RFTN1: variants seen among roughly 807,000 people sequenced by gnomAD.
RFTN1 encodes raftlin, lipid raft linker 1, also known as raftlin.
Under a neutral mutation model 46.5 loss-of-function variants are expected in RFTN1, and 26 were observed. That is an observed-to-expected ratio of 0.56 (90% CI 0.41 to 0.78). RFTN1 has a LOEUF of 0.78. RFTN1 is among the 30% of genes least tolerant of loss of function. The pLI is 0.00. For missense variants in RFTN1, 693 were observed against 718.7 expected, an observed-to-expected ratio of 0.96 and a Z score of 0.41; for synonymous variants, 261 against 284.2, an observed-to-expected ratio of 0.92 and a Z score of 0.82.
intron 3 of RFTN1, among the ~76,000 whole-genome samples, chr3:16,423,139 G>T (rs1457862379): frequency 6.6e-6 from 1 of 151,604 alleles, no homozygotes; most frequent in Non-Finnish European, 1.5e-5. Flanking sequence ...CTGCACTCCA[G>T]CCTGGGTGAC....
intron 5 of RFTN1, among the ~76,000 whole-genome samples, chr3:16,375,850 G>A (rs571628024): frequency 6.6e-6 from 1 of 152,198 alleles, no homozygotes; most frequent in African/African-American, 2.4e-5. Context: ...GGAGAGAACA[G>A]GGACTTGGGT....
intron 7 of RFTN1, among the ~76,000 whole-genome samples, chr3:16,355,713 A>G (rs1197581282): frequency 6.6e-6 from 1 of 152,240 alleles, no homozygotes; most frequent in Non-Finnish European, 1.5e-5. Context: ...GCAGACTGCC[A>G]GGCCCCACCC....
At position 16,329,324 on chromosome 3, in the gene RFTN1, G is replaced by A. The variant is rs1056864322; in HGVS notation, c.1147-2448C>T. ...CCTGTTACAACAGCACAAGTGGACC[G>A]AGACAGGGCGGAAGTGGAGAAAGGG... On this transcript the variant is annotated intron_variant, in intron 7 of 9. Coordinates refer to ENST00000334133, the MANE Select transcript of RFTN1 (RefSeq NM_015150.2). The surrounding 1 kb of genome is among the most constrained non-coding windows in gnomAD (Gnocchi z 4.5). Among the ~76,000 whole-genome samples, 11 of 151,020 alleles carry A rather than the reference G, an allele frequency of 7.3e-5. No homozygotes were observed. The highest frequency in any genetic ancestry group is 2.2e-4 in the African/African-American group (9 of 41,054).
In RFTN1 at chr3:16,484,387, T is replaced by G. The variant is rs887337242; in HGVS notation, c.145+9338A>C. On this transcript the variant is annotated intron_variant, in intron 2 of 9. Transcript: ENST00000334133. This position sits in a 1 kb window ranked among gnomAD's most constrained non-coding sequence, Gnocchi z 4.6. ...AAGGAATGTCATCCTGTTATTATCA[T>G]GACCACCCAAAATTTATATACAGAG... 4.6e-5 allele frequency among the ~76,000 whole-genome samples: 7 copies of G among 152,224 alleles called. No individual in the cohort carries two copies. The highest frequency in any genetic ancestry group is 1.0e-4 in the Non-Finnish European group (7 of 68,038).
chr3:16,474,479 A>G lies in RFTN1; in HGVS notation c.145+19246T>C, dbSNP rs1159475907. On this transcript the variant is annotated intron_variant, in intron 2 of 9. Transcript: ENST00000334133. The surrounding 1 kb of genome is among the most constrained non-coding windows in gnomAD (Gnocchi z 5.5). ...CCCCCAAGATAAACAAAGGCTGACC[A>G]TGAGAAAGATACCAGTACACCCCCA... Among the ~76,000 whole-genome samples, 2 of 152,226 alleles carry G rather than the reference A, an allele frequency of 1.3e-5. No homozygotes were observed. The highest frequency in any genetic ancestry group is 2.4e-5 in the African/African-American group (1 of 41,464).
chr3:16,340,932 T>TA, intron 7 of RFTN1, among the ~76,000 whole-genome samples: 1 of 152,188 alleles, frequency 6.6e-6, no homozygotes. Flanking sequence ...TTATCCAAAA[T>TA]ATACAAAGAA....
chr3:16,375,117 AAG>A (rs1244307421), intron 5 of RFTN1, among the ~76,000 whole-genome samples: 2 of 152,120 alleles, frequency 1.3e-5, no homozygotes, highest in Non-Finnish European at 2.9e-5. Flanking sequence ...CACCTGGCAG[AAG>A]AGGAGTAAAA....
chr3:16,319,422 C>G (rs2068791581), intron 9 of RFTN1, among the ~76,000 whole-genome samples: 1 of 152,202 alleles, frequency 6.6e-6, no homozygotes, highest in Non-Finnish European at 1.5e-5. Flanking sequence ...ATCTGAGTTT[C>G]AAGTTACTCA....
At chr3:16,358,111 T>TA (rs2072573803) in intron 6 of RFTN1, 64 bp from the exon 7 acceptor site, 1 of 889,974 alleles carries the variant, frequency 1.1e-6, no homozygotes, top group Non-Finnish European at 1.9e-6. Context: ...AGAAGTCTTC[T>TA]AAGCAGCAAA....
chr3:16,366,859 G>C (rs541166689), intron 6 of RFTN1, among the ~76,000 whole-genome samples: 2 of 150,782 alleles, frequency 1.3e-5, no homozygotes, highest in South Asian at 4.3e-4. Flanking sequence ...GCTTGCCAGA[G>C]CCCACGGGCA....
At chr3:16,331,198 A>G (rs560075104) in intron 7 of RFTN1, among the ~76,000 whole-genome samples, 1 of 152,324 alleles carries the variant, frequency 6.6e-6, no homozygotes, top group South Asian at 2.1e-4. Flanking sequence ...GAGTCCTGCA[A>G]AAACTACTTC....
At chr3:16,455,792 A>G (rs1489878614) in intron 2 of RFTN1, among the ~76,000 whole-genome samples, 1 of 152,226 alleles carries the variant, frequency 6.6e-6, no homozygotes, top group Non-Finnish European at 1.5e-5. Context: ...AACTCAACGG[A>G]TATCCTAGTC....
Position 16,501,297 on chromosome 3 carries a change from G to T in RFTN1, c.-8-7420C>A, listed in dbSNP as rs1246648938. The stretch of plus-strand genomic sequence containing the variant: ...AAGTATCCTAATTTGTTTCTGAAAT[G>T]CTTCCCACGATGCCCATAAAAAGAC... On this transcript the variant is annotated intron_variant, in intron 1 of 9. Coordinates refer to ENST00000334133, the MANE Select transcript of RFTN1 (RefSeq NM_015150.2). Among the ~76,000 whole-genome samples the T allele has an allele frequency of 2.6e-5, 4 of 152,274 alleles. No individual in the cohort carries two copies. The South Asian group carries it at 8.3e-4, about 32-fold the overall frequency.
At chr3:16,391,892 T>G (rs58401340) in intron 4 of RFTN1, among the ~76,000 whole-genome samples, 1,612 of 30,114 alleles carry the variant, frequency 0.054, 55 homozygotes, top group African/African-American at 0.18. Flanking sequence ...GTTTTTTTTT[T>G]TGTTTTTTTT....
intron 3 of RFTN1, among the ~76,000 whole-genome samples, chr3:16,423,228 C>T (rs76969459): frequency 0.078 from 11,820 of 151,796 alleles, 1,128 homozygotes; most frequent in African/African-American, 0.23. Context: ...GTTCTCAAAT[C>T]GGGGCAGTTT....
At chr3:16,405,420 G>A (rs1332975065) in intron 4 of RFTN1, among the ~76,000 whole-genome samples, 1 of 152,150 alleles carries the variant, frequency 6.6e-6, no homozygotes, top group African/African-American at 2.4e-5. Flanking sequence ...GACACAACAG[G>A]AGAAAACAAA....
At position 16,422,366 on chromosome 3, in the gene RFTN1, C is replaced by A. The variant is rs977755486; in HGVS notation, c.332+11485G>T. On this transcript the variant is annotated intron_variant, in intron 3 of 9. Transcript: ENST00000334133. This position sits in a 1 kb window ranked among gnomAD's most constrained non-coding sequence, Gnocchi z 4.6. ...AGTGCCCTGGCCGGGTGTGGTGGCT[C>A]ACGCCTGTAATCCCAGCACTTTGGG... Among the ~76,000 whole-genome samples, 3 of 152,060 alleles carry A rather than the reference C, an allele frequency of 2.0e-5. No individual in the cohort carries two copies. The highest frequency in any genetic ancestry group is 4.4e-5 in the Non-Finnish European group (3 of 68,014).
intron 7 of RFTN1, chr3:16,339,676 C>T (rs1432284833): frequency 6.6e-6 from 1 of 152,206 alleles, no homozygotes; most frequent in Non-Finnish European, 1.5e-5. Context: ...AGAAAATTCT[C>T]CCATCACTCT....
At chr3:16,343,615 A>C (rs926222429) in intron 7 of RFTN1, among the ~76,000 whole-genome samples, 1 of 152,266 alleles carries the variant, frequency 6.6e-6, no homozygotes, top group African/African-American at 2.4e-5. Flanking sequence ...TGAAGAAAAC[A>C]GGGAGAAGTC....
Sources: gnomAD v4.1 joint callset for allele counts (sites outside exome capture counted in the v4.1 genomes callset) on GRCh38, gnomAD v4.1.1 for gene constraint, Gnocchi (gnomAD v3.1) non-coding constraint, MANE v1.5 for transcripts, NCBI Gene and HGNC (gene_info 2026-07-23, HGNC 2026-07-21) for gene names.